Variants in SYT14 observed in about 807,000 individuals in gnomAD.
SYT14 encodes the protein synaptotagmin 14, also known as synaptotagmin-14.
Under a neutral mutation model 74.2 loss-of-function variants are expected in SYT14, and 32 were observed. That is an observed-to-expected ratio of 0.43 (90% CI 0.33 to 0.58). The LOEUF (loss-of-function observed/expected upper bound fraction) is 0.58, where lower values mean the gene tolerates loss of function less well. Among genes scored for constraint, SYT14 ranks in the 20% least tolerant of loss-of-function variants. The pLI is 0.05. For synonymous variants in SYT14, 298 were observed against 337.7 expected (o/e 0.88, Z 1.29); for missense variants, 791 against 981.8 (o/e 0.81, Z 2.60).
chr1:210,051,910 A>G (rs1392336479), intron 5 of SYT14, among the ~76,000 whole-genome samples: 1 of 152,188 alleles, frequency 6.6e-6, no homozygotes, highest in Non-Finnish European at 1.5e-5. Context: ...CTTTACATTT[A>G]ATATGATTGA....
At chr1:210,084,526 C>G (rs1051438107) in intron 5 of SYT14, among the ~76,000 whole-genome samples, 67 of 152,298 alleles carry the variant, frequency 4.4e-4, no homozygotes, top group African/African-American at 1.6e-3. Flanking sequence ...TTGCTGTCAT[C>G]AGAGCAAGCT....
intron 7 of SYT14, among the ~76,000 whole-genome samples, chr1:210,149,355 T>C (rs140949030): frequency 0.01 from 1,578 of 151,990 alleles, 34 homozygotes; most frequent in African/African-American, 0.036. Context: ...TGGCTAATTT[T>C]TGTATTTTTA....
At chr1:209,973,159 G>A (rs543451822) in intron 2 of SYT14, among the ~76,000 whole-genome samples, 38 of 151,698 alleles carry the variant, frequency 2.5e-4, no homozygotes, top group African/African-American at 8.0e-4. Flanking sequence ...TAAGAATAGC[G>A]ACTCCAGCTC....
chr1:210,133,973 A>G (rs901459091), intron 7 of SYT14, among the ~76,000 whole-genome samples: 1 of 151,914 alleles, frequency 6.6e-6, no homozygotes, highest in African/African-American at 2.4e-5. Context: ...ATAGGCAGAG[A>G]CAGAGGAGCT....
At chr1:210,028,513 A>C (rs999032712) in intron 5 of SYT14, among the ~76,000 whole-genome samples, 1 of 152,120 alleles carries the variant, frequency 6.6e-6, no homozygotes, top group African/African-American at 2.4e-5. Flanking sequence ...ATATAAATGG[A>C]ATCATACCCT....
At chr1:210,100,086 A>G in exon 7 of SYT14, 1 of 1,614,142 alleles carries the variant, frequency 6.2e-7, no homozygotes, top group Non-Finnish European at 8.5e-7. Flanking sequence ...AATATGGCAC[A>G]CTGGATGTGA....
At chr1:210,092,021 CAGTATTTAGGT>C (rs567972169) in intron 5 of SYT14, among the ~76,000 whole-genome samples, 166 of 152,258 alleles carry the variant, frequency 1.1e-3, no homozygotes, top group African/African-American at 3.8e-3. Flanking sequence ...CTTTGTGTTG[CAGTATTTAGGT>C]ATTACCGTTT....
chr1:209,963,249 G>C (rs1333707719), intron 2 of SYT14, among the ~76,000 whole-genome samples: 1 of 152,152 alleles, frequency 6.6e-6, no homozygotes, highest in Non-Finnish European at 1.5e-5. Context: ...AAGAGGAATA[G>C]AGATGGATTG....
chr1:210,050,688 G>T (rs937137175), intron 5 of SYT14, among the ~76,000 whole-genome samples: 2 of 152,136 alleles, frequency 1.3e-5, no homozygotes, highest in African/African-American at 4.8e-5. Flanking sequence ...AAGGTGAAAG[G>T]CACGTCTCAC....
chr1:209,976,701 C>G (rs1270415219), intron 2 of SYT14, among the ~76,000 whole-genome samples: 3 of 152,146 alleles, frequency 2.0e-5, no homozygotes, highest in Admixed American at 6.5e-5. Context: ...GTGGAGAGTT[C>G]TGTAGATGTG....
intron 5 of SYT14, among the ~76,000 whole-genome samples, chr1:210,038,158 A>G (rs762575262): frequency 7.9e-5 from 12 of 151,956 alleles, no homozygotes; most frequent in Non-Finnish European, 1.5e-4. Context: ...CCGCTTTATC[A>G]TTGTATAATG....
intron 2 of SYT14, among the ~76,000 whole-genome samples, chr1:209,970,662 C>CTTTGTTTTT (rs2079235618): frequency 1.6e-5 from 1 of 62,788 alleles, no homozygotes; most frequent in Non-Finnish European, 2.8e-5. Flanking sequence ...GGCAGTATGG[C>CTTTGTTTTT]TTTTTTTTTT....
intron 2 of SYT14, among the ~76,000 whole-genome samples, chr1:209,960,367 G>T (rs2079058578): frequency 6.6e-6 from 1 of 151,922 alleles, no homozygotes; most frequent in Non-Finnish European, 1.5e-5. Flanking sequence ...TTTCAATTTA[G>T]GAAAAATAAA....
chr1:209,943,508 C>CAAA (rs58806792), intron 1 of SYT14, among the ~76,000 whole-genome samples: 20 of 59,310 alleles, frequency 3.4e-4, no homozygotes, highest in African/African-American at 6.7e-4. Context: ...GATTCAATCT[C>CAAA]AAAAAAAAAA....
intron 1 of SYT14, among the ~76,000 whole-genome samples, chr1:209,947,185 A>G (rs1459737617): frequency 6.6e-6 from 1 of 152,200 alleles, no homozygotes; most frequent in Non-Finnish European, 1.5e-5. Context: ...TGCTAATACA[A>G]CATTTATTCT....
chr1:210,040,770 A>T (rs1175463598), intron 5 of SYT14, among the ~76,000 whole-genome samples: 1 of 152,196 alleles, frequency 6.6e-6, no homozygotes, highest in Non-Finnish European at 1.5e-5. Context: ...ATCTTTGAAA[A>T]TTCCTAAATG....
At chr1:210,077,209 C>A (rs2081518539) in intron 5 of SYT14, among the ~76,000 whole-genome samples, 1 of 152,152 alleles carries the variant, frequency 6.6e-6, no homozygotes, top group South Asian at 2.1e-4. Flanking sequence ...GGAACCAGCA[C>A]TTCACATGGT....
chr1:209,993,124 G>A (rs1159753227), intron 2 of SYT14, among the ~76,000 whole-genome samples: 1 of 152,194 alleles, frequency 6.6e-6, no homozygotes, highest in Non-Finnish European at 1.5e-5. Context: ...GGGCTGGGTA[G>A]CTCTGTCAGA....
At chr1:209,975,283 T>C (rs995673583) in intron 2 of SYT14, among the ~76,000 whole-genome samples, 4 of 152,144 alleles carry the variant, frequency 2.6e-5, no homozygotes, top group Non-Finnish European at 4.4e-5. Flanking sequence ...CTGTCTTGTG[T>C]CAGTTTTCAA....
Sources: gnomAD v4.1 joint callset for allele counts (sites outside exome capture counted in the v4.1 genomes callset) on GRCh38, gnomAD v4.1.1 for gene constraint, MANE v1.5 for transcripts, NCBI Gene and HGNC (gene_info 2026-07-23, HGNC 2026-07-21) for gene names.